The following TRIT1 variants were observed in gnomAD, a reference collection of about 807,000 sequenced individuals.
TRIT1 encodes the protein tRNA dimethylallyltransferase.
A neutral mutation model predicts 51.2 loss-of-function variants in TRIT1; 43 were observed. The ratio of observed to expected loss-of-function variants is 0.84; its 90% confidence interval spans 0.66 to 1.08. TRIT1 has a LOEUF of 1.08. Among genes scored for constraint, TRIT1 ranks in the 50% least tolerant of loss-of-function variants. The pLI is 0.00. For synonymous variants in TRIT1, 184 were observed against 203.9 expected, an observed-to-expected ratio of 0.90 and a Z score of 0.83; for missense variants, 528 against 578.4, an observed-to-expected ratio of 0.91 and a Z score of 0.89.
chr1:39,876,671 A>C (rs1644066411), intron 1 of TRIT1, among the ~76,000 whole-genome samples: 1 of 151,996 alleles, frequency 6.6e-6, no homozygotes, highest in African/African-American at 2.4e-5. Context: ...TCACGCTTGT[A>C]ATCACAGCAC....
At chr1:39,846,306 C>T (rs1046467703) in intron 8 of TRIT1, among the ~76,000 whole-genome samples, 3 of 152,160 alleles carry the variant, frequency 2.0e-5, no homozygotes, top group Non-Finnish European at 2.9e-5. Context: ...CTTCAGCTGG[C>T]CCTGTCTGTA....
At chr1:39,865,551 T>C (rs1643486977) in intron 1 of TRIT1, among the ~76,000 whole-genome samples, 1 of 151,384 alleles carries the variant, frequency 6.6e-6, no homozygotes, top group Non-Finnish European at 1.5e-5. Context: ...ACAGTAAGGA[T>C]TCTCATCAGG....
chr1:39,864,246 G>A (rs1206419559), intron 1 of TRIT1, among the ~76,000 whole-genome samples: 2 of 151,906 alleles, frequency 1.3e-5, no homozygotes, highest in Non-Finnish European at 2.9e-5. Context: ...TTAGAGGGTA[G>A]AGGCCAAGGA....
chr1:39,845,721 G>A (rs1177615615), intron 8 of TRIT1, among the ~76,000 whole-genome samples: 3 of 152,148 alleles, frequency 2.0e-5, no homozygotes, highest in East Asian at 1.9e-4. Context: ...ACAAGTTCTC[G>A]GCTCCCAGCT....
At chr1:39,861,886 T>C (rs1643265897) in intron 1 of TRIT1, among the ~76,000 whole-genome samples, 1 of 144,950 alleles carries the variant, frequency 6.9e-6, no homozygotes, top group African/African-American at 2.6e-5. Flanking sequence ...ATCGCACCAC[T>C]GCGCTCCAGC....
chr1:39,855,870 C>T (rs1460978157), intron 2 of TRIT1, among the ~76,000 whole-genome samples: 2 of 152,164 alleles, frequency 1.3e-5, no homozygotes, highest in Non-Finnish European at 2.9e-5. Context: ...AGTACCTTCA[C>T]CTGTCGAATC....
Position 39,871,195 on chromosome 1 carries a change from T to TA in TRIT1, c.174+12122dup, listed in dbSNP as rs988983604. ...GCAACAAGGGAGAAACTCCGTCTCA[T>TA]AAAAAAAAAAGGTGACTAGACAAAC... is the stretch of plus-strand genomic sequence containing the variant. On this transcript the variant is annotated intron_variant, in intron 1 of 10. Transcript: ENST00000316891. Among the ~76,000 whole-genome samples, 77 of 134,814 alleles carry TA rather than the reference T, an allele frequency of 5.7e-4. 1 individual carries two copies. The highest frequency in any genetic ancestry group is 6.7e-4 in the East Asian group (3 of 4,470). 88.4% of individuals were successfully genotyped at this position (134,814 alleles called of 152,430 possible). A position where few individuals can be genotyped will look rare whatever the true frequency, so the allele number is the denominator to read the frequency against.
rs557534798 is a variant in TRIT1 at position 39,863,246 on chromosome 1, C to G, written c.175-5829G>C. ...GTTAGAAGGCTGAGTAGGAGGATCA[C>G]TTGAGACCAGGAGTTCAAGACCAGC... On this transcript the variant is annotated intron_variant, in intron 1 of 10. Coordinates refer to ENST00000316891, the MANE Select transcript of TRIT1 (RefSeq NM_017646.6). Among the ~76,000 whole-genome samples, 10 of 152,324 alleles carry G rather than the reference C, an allele frequency of 6.6e-5. 1 individual carries two copies. The highest frequency in any genetic ancestry group is 2.4e-4 in the African/African-American group (10 of 41,580).
intron 1 of TRIT1, among the ~76,000 whole-genome samples, chr1:39,878,169 GA>G (rs201680469): frequency 6.7e-6 from 1 of 150,000 alleles, no homozygotes; most frequent in Admixed American, 6.7e-5. Flanking sequence ...CTGTGTCATA[GA>G]AAAAAAAAGA....
chr1:39,843,125 T>C (rs1642016295), intron 10 of TRIT1, among the ~76,000 whole-genome samples: 1 of 152,226 alleles, frequency 6.6e-6, no homozygotes, highest in Non-Finnish European at 1.5e-5. Context: ...CTTCTTCTGC[T>C]GGTTGGGCAA....
chr1:39,850,393 G>A (rs1642491959), intron 4 of TRIT1, 132 bp from the exon 5 acceptor site: 1 of 1,193,848 alleles, frequency 8.4e-7, no homozygotes, highest in South Asian at 1.6e-5. Context: ...TCACGACAGT[G>A]TGCACATCTG....
rs559115862 is a variant in TRIT1 at position 39,869,804 on chromosome 1, G to A, written c.175-12387C>T. Among the ~76,000 whole-genome samples, 15 of 152,162 alleles carry A rather than the reference G, an allele frequency of 9.9e-5. No homozygotes were observed. The East Asian group carries it at 2.9e-3, about 30-fold the overall frequency. On this transcript the variant is annotated intron_variant, in intron 1 of 10. Transcript: ENST00000316891. ...GCGTCTCTGCCCGGCCGCCCCGTCT[G>A]AGAAGTGAGGAGCCCCTCCGCCCGG...
chr1:39,852,623 C>T, intron 4 of TRIT1, 108 bp downstream of exon 4: 1 of 1,366,976 alleles, frequency 7.3e-7, no homozygotes, highest in Non-Finnish European at 1.0e-6. Flanking sequence ...ACACATCAAT[C>T]TCCACTAACT....
rs1249914163 is a variant in TRIT1, at chr1:39,838,826, T to A, written c.*2918A>T. On this transcript the variant is annotated 3_prime_UTR_variant, in exon 11 of 11. Coordinates refer to ENST00000316891, the MANE Select transcript of TRIT1 (RefSeq NM_017646.6). ...TGTTATTTTTTAATGTTATACTGGG[T>A]GTTTTGTTTTGTTTTAAGCAAAAAA... Among the ~76,000 whole-genome samples, 2 of 152,096 alleles carry A rather than the reference T, an allele frequency of 1.3e-5. No homozygotes were observed. The highest frequency in any genetic ancestry group is 2.9e-5 in the Non-Finnish European group (2 of 68,026).
intron 1 of TRIT1, among the ~76,000 whole-genome samples, chr1:39,880,277 A>T (rs1237857843): frequency 2.0e-5 from 3 of 146,484 alleles, no homozygotes; most frequent in South Asian, 4.2e-4. Context: ...ATAAAAAAAA[A>T]AAAAAAAAAA....
intron 1 of TRIT1, among the ~76,000 whole-genome samples, chr1:39,877,492 T>C (rs1287866372): frequency 6.6e-6 from 1 of 152,186 alleles, no homozygotes; most frequent in Non-Finnish European, 1.5e-5. Context: ...GTACGGCTAC[T>C]GCTTCTCCAC....
intron 1 of TRIT1, among the ~76,000 whole-genome samples, chr1:39,880,662 G>C (rs1644228913): frequency 6.6e-6 from 1 of 152,064 alleles, no homozygotes; most frequent in Non-Finnish European, 1.5e-5. Flanking sequence ...AGCCGAGCAT[G>C]GTGGCGGGCG....
intron 1 of TRIT1, chr1:39,862,763 T>G: frequency 1.0e-6 from 1 of 985,244 alleles, no homozygotes; most frequent in Non-Finnish European, 1.2e-6. Context: ...CATGTGAGAT[T>G]TGTAGCTGAA....
At chr1:39,849,831 G>A (rs1256823411) in intron 5 of TRIT1, among the ~76,000 whole-genome samples, 2 of 152,014 alleles carry the variant, frequency 1.3e-5, no homozygotes, top group Admixed American at 6.6e-5. Flanking sequence ...TTCTCCTTTG[G>A]ACCTTCCCTG....
Sources: allele counts gnomAD v4.1 joint callset (sites outside exome capture counted in the v4.1 genomes callset), GRCh38; gene constraint gnomAD v4.1.1; transcripts MANE v1.5; gene names NCBI Gene and HGNC (gene_info 2026-07-23, HGNC 2026-07-21).